Variants in RTN1 observed in about 807,000 individuals in gnomAD.
RTN1 encodes the protein reticulon 1.
RTN1 carries 25 observed loss-of-function variants against 65.5 expected under a neutral mutation model. The ratio of observed to expected loss-of-function variants is 0.38; its 90% confidence interval spans 0.28 to 0.53. The LOEUF (loss-of-function observed/expected upper bound fraction) is 0.53. Among genes scored for constraint, RTN1 ranks in the 20% least tolerant of loss-of-function variants. The pLI, the probability that RTN1 is intolerant of heterozygous loss-of-function variation, is 0.79. For synonymous variants in RTN1, 471 were observed against 447.6 expected, an observed-to-expected ratio of 1.05 and a Z score of -0.66; for missense variants, 983 against 1,025.4, an observed-to-expected ratio of 0.96 and a Z score of 0.57.
At chr14:59,779,853 A>C (rs1242369773) in intron 1 of RTN1, among the ~76,000 whole-genome samples, 1 of 151,894 alleles carries the variant, frequency 6.6e-6, no homozygotes, top group Non-Finnish European at 1.5e-5. Context: ...TCCTCCCCCC[A>C]CTTCCACCCT....
chr14:59,727,000 G>C lies in RTN1; in HGVS notation c.1684C>G (p.Gln562Glu). The C allele has an allele frequency of 1.2e-6, 2 of 1,613,508 alleles. No homozygotes were observed. Among genetic ancestry groups the C allele is most frequent in the Non-Finnish European group, 1.7e-6 (2 of 1,179,750 alleles). Reference sequence around the variant, plus strand: ...GGGCCCTTTGTGGCCGCAGGACTTTGGTTGGAACTCGAGTCTTCTTCAGGC... The same window carrying C: ...GGGCCCTTTGTGGCCGCAGGACTTTCGTTGGAACTCGAGTCTTCTTCAGGC... ...RKPEEDSSSN[Q>E]SPAATKGPGP... The change falls in exon 3 of 9, where the codon CAA becomes GAA. Residue 562 changes from glutamine to glutamate, a missense_variant. Gln to Glu is a conservative substitution (Grantham distance 29). Around this residue, in one of 2 missense-constraint regions of RTN1, gnomAD observed 818 missense variants for 801.8 expected, o/e 1.02. Coordinates refer to ENST00000267484, the MANE Select transcript of RTN1 (RefSeq NM_021136.3).
rs374190671 is a variant in RTN1 at position 59,749,892 on chromosome 14, T to C, written c.242-3411A>G. ...TTATATATCTATATATATACACATA[T>C]ATATATTCCTCCTGGGAATCAACCT... On this transcript the variant is annotated intron_variant, in intron 1 of 8. Transcript: ENST00000267484. Among the ~76,000 whole-genome samples, 213 of 113,892 alleles carry C rather than the reference T, an allele frequency of 1.9e-3. 4 individuals are homozygous for C. In the East Asian group the frequency reaches 0.043, roughly 23 times the overall value. The allele number at this position is 113,892 out of a possible 152,430, so 74.7% of individuals were successfully genotyped here. A position where few individuals can be genotyped will look rare whatever the true frequency, so the allele number is the denominator to read the frequency against.
intron 3 of RTN1, among the ~76,000 whole-genome samples, chr14:59,718,552 A>G (rs975877434): frequency 2.6e-5 from 4 of 152,138 alleles, no homozygotes; most frequent in African/African-American, 9.7e-5. Context: ...TTTAACCTCC[A>G]CAAGTGCCAT....
At chr14:59,776,485 T>A (rs995041603) in intron 1 of RTN1, among the ~76,000 whole-genome samples, 1 of 152,164 alleles carries the variant, frequency 6.6e-6, no homozygotes, top group African/African-American at 2.4e-5. Context: ...TCTACAACTA[T>A]AGAAAATAAA....
rs144561240 is a variant in RTN1 at position 59,827,065 on chromosome 14, TTTGTTG to T, written c.241+43319_241+43324del. On this transcript the variant is annotated intron_variant, in intron 1 of 8. Coordinates refer to ENST00000267484, the MANE Select transcript of RTN1 (RefSeq NM_021136.3). ...TCAACAAGGACATGTGTATATGTGTTTTGTTGTTGTTGTTGTTGTTGTTGTTGTTTT... is the reference window on the plus strand; with the variant it reads ...TCAACAAGGACATGTGTATATGTGTTTTGTTGTTGTTGTTGTTGTTGTTTT... Among the ~76,000 whole-genome samples the T allele has an allele frequency of 1.2e-3, 174 of 151,238 alleles. No individual in the cohort carries two copies. In the East Asian group the frequency reaches 0.019, roughly 16 times the overall value.
At chr14:59,783,397 C>T (rs1340271201) in intron 1 of RTN1, among the ~76,000 whole-genome samples, 1 of 152,012 alleles carries the variant, frequency 6.6e-6, no homozygotes, top group Non-Finnish European at 1.5e-5. Context: ...CCTCAAGAGG[C>T]TGGGTGCTTA....
chr14:59,853,715 C>A (rs2139666482), intron 1 of RTN1, among the ~76,000 whole-genome samples: 1 of 152,258 alleles, frequency 6.6e-6, no homozygotes, highest in Non-Finnish European at 1.5e-5. Flanking sequence ...ACTCTACTGA[C>A]TTAAAGTGAA....
Position 59,727,567 on chromosome 14 carries a change from T to C in RTN1, c.1117A>G (p.Asn373Asp), listed in dbSNP as rs747952744. ...GCCAGCTGGCCCACCGGCCGTGGGTTCTCGGCGGTTTCATACGATAATCCC... is the reference window on the plus strand; with the variant it reads ...GCCAGCTGGCCCACCGGCCGTGGGTCCTCGGCGGTTTCATACGATAATCCC... Reference protein sequence around the residue: ...AKGLSYETAENPRPVGQLADR... With the variant: ...AKGLSYETAEDPRPVGQLADR... Residue 373 changes from asparagine (N) to aspartate (D), a missense_variant, in exon 3 of 9, where the codon AAC becomes GAC. This residue lies in a region of RTN1 where 818 missense variants were observed against 801.8 expected (regional missense o/e 1.02). Coordinates refer to ENST00000267484, the MANE Select transcript of RTN1 (RefSeq NM_021136.3). The surrounding 1 kb of genome is among the most constrained non-coding windows in gnomAD (Gnocchi z 4.2). The C allele has an allele frequency of 1.5e-4, 239 of 1,611,982 alleles. No individual in the cohort carries two copies. The highest frequency in any genetic ancestry group is 1.8e-4 in the Non-Finnish European group (216 of 1,179,572).
chr14:59,626,515 GA>G lies in RTN1; in HGVS notation c.1766-19024del, dbSNP rs544882892. ...TGTTGAGTACAGTGAGATCTGGGGA[GA>G]AAAAATGATCTTTAGAGAACAAACA... On this transcript the variant is annotated intron_variant, in intron 3 of 8. Coordinates refer to ENST00000267484, the MANE Select transcript of RTN1 (RefSeq NM_021136.3). Among the ~76,000 whole-genome samples the G allele has an allele frequency of 4.9e-4, 75 of 152,250 alleles. No homozygotes were observed. In the South Asian group the frequency reaches 7.7e-3, roughly 16 times the overall value.
intron 3 of RTN1, among the ~76,000 whole-genome samples, chr14:59,613,580 G>T (rs571323436): frequency 1.3e-5 from 2 of 152,260 alleles, no homozygotes; most frequent in Admixed American, 1.3e-4. Context: ...TTATAGGTGT[G>T]AGCCACCGCG....
chr14:59,750,255 TAA>T (rs1316713271), intron 1 of RTN1, among the ~76,000 whole-genome samples: 13 of 46,242 alleles, frequency 2.8e-4, no homozygotes, highest in African/African-American at 1.8e-3. Flanking sequence ...CTATAATATA[TAA>T]TATATATAAT....
chr14:59,698,303 T>C (rs1427833947), intron 3 of RTN1, among the ~76,000 whole-genome samples: 1 of 152,186 alleles, frequency 6.6e-6, no homozygotes, highest in Non-Finnish European at 1.5e-5. Context: ...TTTCTACAAA[T>C]AGGTAACATC....
chr14:59,686,813 C>T (rs1456679918), intron 3 of RTN1, among the ~76,000 whole-genome samples: 1 of 152,176 alleles, frequency 6.6e-6, no homozygotes, highest in Non-Finnish European at 1.5e-5. Context: ...GGGAAAGACG[C>T]TGGGAAAAGC....
At chr14:59,728,625 A>G (rs1224206804) in intron 2 of RTN1, among the ~76,000 whole-genome samples, 2 of 152,080 alleles carry the variant, frequency 1.3e-5, no homozygotes, top group African/African-American at 4.8e-5. Context: ...TTTATTTTAG[A>G]ATATCTTAGT....
intron 1 of RTN1, among the ~76,000 whole-genome samples, chr14:59,762,976 G>A (rs1231435037): frequency 6.6e-6 from 1 of 152,134 alleles, no homozygotes; most frequent in Non-Finnish European, 1.5e-5. Flanking sequence ...TTACTTTTGT[G>A]TTTTGAGCAC....
intron 3 of RTN1, among the ~76,000 whole-genome samples, chr14:59,655,224 A>G (rs1206158947): frequency 6.6e-6 from 1 of 152,236 alleles, no homozygotes; most frequent in African/African-American, 2.4e-5. Context: ...AGAAGGAATA[A>G]AATACTTAGG....
chr14:59,667,693 C>G (rs946544587), intron 3 of RTN1, among the ~76,000 whole-genome samples: 1 of 152,086 alleles, frequency 6.6e-6, no homozygotes, highest in Non-Finnish European at 1.5e-5. Context: ...GATGACATGA[C>G]TGTATATTTA....
chr14:59,647,247 C>T (rs1395705479), intron 3 of RTN1, among the ~76,000 whole-genome samples: 1 of 152,156 alleles, frequency 6.6e-6, no homozygotes, highest in Non-Finnish European at 1.5e-5. Flanking sequence ...ACAAGAAAAC[C>T]TAACTCTCCT....
chr14:59,605,484 T>C lies in RTN1; in HGVS notation c.1996A>G (p.Thr666Ala), dbSNP rs1881713674. Residue 666 changes from threonine (T) to alanine (A), a missense_variant, in exon 5 of 9, where the codon ACC becomes GCC. This residue lies in a region of RTN1 where 165 missense variants were observed against 223.6 expected (regional missense o/e 0.74). Transcript: ENST00000267484. ...TTCTGAATCTGCTCCTGAGAAAGGG[T>C]GATCTCAAGCTCCAAGTAGGCCCTG... The part of the protein sequence containing the change: ...PFKAYLELEI[T>A]LSQEQIQKYT... 1.2e-6 allele frequency: 2 copies of C among 1,613,914 alleles called. No individual in the cohort carries two copies. The highest frequency in any genetic ancestry group is 1.3e-5 in the African/African-American group (1 of 74,894).
Sources: gnomAD v4.1 joint callset for allele counts (sites outside exome capture counted in the v4.1 genomes callset) on GRCh38, gnomAD v4.1.1 for gene constraint, gnomAD v4.1.1 regional missense constraint, Gnocchi (gnomAD v3.1) non-coding constraint, MANE v1.5 for transcripts, NCBI Gene and HGNC (gene_info 2026-07-23, HGNC 2026-07-21) for gene names.